Variants in APBA1 observed in about 807,000 individuals in gnomAD.
The protein encoded by APBA1 is amyloid beta precursor protein binding family A member 1, also known as amyloid-beta A4 precursor protein-binding family A member 1.
In APBA1, 55 loss-of-function variants were observed where a neutral mutation model predicts 86.6. The ratio of observed to expected loss-of-function variants is 0.64; its 90% confidence interval spans 0.51 to 0.80. The LOEUF is 0.80. Among genes scored for constraint, APBA1 ranks in the 30% least tolerant of loss-of-function variants. The probability of loss-of-function intolerance (pLI) is 0.00; values close to 1 mark genes in which losing one functional copy is unlikely to be tolerated. For synonymous variants in APBA1, 511 were observed against 493.9 expected (o/e 1.03, Z -0.46); for missense variants, 1,090 against 1,183.0 (o/e 0.92, Z 1.15).
chr9:69,565,636 G>C (rs911173536), intron 1 of APBA1, among the ~76,000 whole-genome samples: 1 of 152,080 alleles, frequency 6.6e-6, no homozygotes, highest in Non-Finnish European at 1.5e-5. Context: ...TTCAAAAGCA[G>C]TGCCATGGCA....
intron 2 of APBA1, among the ~76,000 whole-genome samples, chr9:69,501,652 AC>A (rs1835881892): frequency 1.3e-5 from 2 of 150,652 alleles, no homozygotes; most frequent in Admixed American, 6.6e-5. Flanking sequence ...ACACACACAC[AC>A]ACACACACAC....
Position 69,516,471 on chromosome 9 carries a change from T to C in APBA1, c.740A>G (p.Asp247Gly). 6.2e-7 allele frequency: 1 copy of C among 1,601,750 alleles called. No homozygotes were observed. The highest frequency in any genetic ancestry group is 8.5e-7 in the Non-Finnish European group (1 of 1,178,518). ...GAACTCGGCCTCCTTCTCGGGGCTG[T>C]CGGACTCGCCGTCGGAGCGCTCGTC... is the stretch of plus-strand genomic sequence containing the variant. ...HYDERSDGES[D>G]SPEKEAEFAP... Residue 247 changes from aspartate (D) to glycine (G), a missense_variant, in exon 2 of 13, where the codon GAC becomes GGC. By Grantham distance (94) the Asp-to-Gly change is moderately conservative. Transcript: ENST00000265381. This position sits in a 1 kb window ranked among gnomAD's most constrained non-coding sequence, Gnocchi z 7.3.
At chr9:69,526,987 A>T (rs1836353235) in intron 1 of APBA1, among the ~76,000 whole-genome samples, 1 of 152,152 alleles carries the variant, frequency 6.6e-6, no homozygotes, top group Non-Finnish European at 1.5e-5. Context: ...ACAGAAAACC[A>T]AACACTACAT....
rs377145021 is a variant in APBA1, at chr9:69,599,587, A to G, written c.-70+72566T>C. 5.3e-5 allele frequency among the ~76,000 whole-genome samples: 8 copies of G among 152,224 alleles called. No individual in the cohort carries two copies. The East Asian group carries it at 9.6e-4, about 18-fold the overall frequency. ...AAAATTAGTAATTCATCAACCTAGT[A>G]TCTACTGAAGTAGGGATTATAGAAC... On this transcript the variant is annotated intron_variant, in intron 1 of 12. Transcript: ENST00000265381.
At chr9:69,538,332 T>C (rs1293961677) in intron 1 of APBA1, among the ~76,000 whole-genome samples, 4 of 152,238 alleles carry the variant, frequency 2.6e-5, no homozygotes, top group Non-Finnish European at 5.9e-5. Flanking sequence ...TTGACATCTT[T>C]AAACATCTTG....
chr9:69,464,856 G>C (rs189338398), intron 5 of APBA1: 2 of 152,162 alleles, frequency 1.3e-5, no homozygotes, highest in African/African-American at 4.8e-5. Flanking sequence ...AGGCATAAAT[G>C]TTCTGTCTGT....
intron 1 of APBA1, among the ~76,000 whole-genome samples, chr9:69,598,480 C>T (rs979509278): frequency 6.6e-6 from 1 of 151,612 alleles, no homozygotes; most frequent in Non-Finnish European, 1.5e-5. Flanking sequence ...CTACTTGACA[C>T]AGCACACCTC....
At position 69,617,708 on chromosome 9, in the gene APBA1, T is replaced by G. The variant is rs1400231696; in HGVS notation, c.-70+54445A>C. 2.0e-5 allele frequency among the ~76,000 whole-genome samples: 3 copies of G among 152,150 alleles called. No homozygotes were observed. The East Asian group carries it at 5.8e-4, about 29-fold the overall frequency. On this transcript the variant is annotated intron_variant, in intron 1 of 12. Coordinates refer to ENST00000265381, the MANE Select transcript of APBA1 (RefSeq NM_001163.4). Reference sequence around the variant, plus strand: ...CATTCCTACTGTTCAGCCAGACAACTGTCAACACCAAATTTTTGAGATTTA... The same window carrying G: ...CATTCCTACTGTTCAGCCAGACAACGGTCAACACCAAATTTTTGAGATTTA...
chr9:69,652,922 G>A (rs1048893075), intron 1 of APBA1, among the ~76,000 whole-genome samples: 4 of 151,970 alleles, frequency 2.6e-5, no homozygotes, highest in African/African-American at 7.3e-5. Flanking sequence ...GCTAGAACCC[G>A]GGAGATGAAG....
chr9:69,672,276 C>CGCCGCAGCT lies in APBA1; in HGVS notation c.-202_-194dup, dbSNP rs1823967070. ...TGCCTCCAGCGCCACCATCTTCTCC[C>CGCCGCAGCT]GCCGCAGCTGCCGCCGCCGCCGCCG... On this transcript the variant is annotated 5_prime_UTR_variant, in exon 1 of 13. Transcript: ENST00000265381. The CGCCGCAGCT allele has an allele frequency of 5.7e-6, 1 of 175,906 alleles. No individual in the cohort carries two copies. The highest frequency in any genetic ancestry group is 1.4e-4 in the South Asian group (1 of 7,230). 10.9% of individuals were successfully genotyped at this position (175,906 alleles called of 1,614,324 possible).
intron 2 of APBA1, among the ~76,000 whole-genome samples, chr9:69,512,917 A>G (rs1836075094): frequency 6.6e-6 from 1 of 152,188 alleles, no homozygotes; most frequent in East Asian, 1.9e-4. Context: ...ATGGAGAACT[A>G]GTGTTCAGTA....
At chr9:69,569,587 G>A (rs539386652) in intron 1 of APBA1, among the ~76,000 whole-genome samples, 8 of 152,092 alleles carry the variant, frequency 5.3e-5, no homozygotes, top group East Asian at 1.9e-4. Context: ...CAATGGTGCC[G>A]AGACTGAGAA....
intron 11 of APBA1, among the ~76,000 whole-genome samples, chr9:69,435,553 G>A (rs1409435473): frequency 6.6e-6 from 1 of 152,176 alleles, no homozygotes; most frequent in Admixed American, 6.5e-5. Context: ...CAGTGATGAT[G>A]AGCATTTTTT....
At chr9:69,609,042 T>A (rs966422575) in intron 1 of APBA1, among the ~76,000 whole-genome samples, 2 of 152,232 alleles carry the variant, frequency 1.3e-5, no homozygotes, top group African/African-American at 4.8e-5. Context: ...TGTGACAGAC[T>A]GGGCTAGGCA....
chr9:69,668,970 T>C (rs528920382), intron 1 of APBA1, among the ~76,000 whole-genome samples: 1 of 152,198 alleles, frequency 6.6e-6, no homozygotes, highest in Non-Finnish European at 1.5e-5. Context: ...TTTTCAGCAC[T>C]TAATCATTTT....
At chr9:69,564,303 T>C (rs1182479237) in intron 1 of APBA1, among the ~76,000 whole-genome samples, 2 of 152,236 alleles carry the variant, frequency 1.3e-5, no homozygotes, top group African/African-American at 2.4e-5. Context: ...AAGAGCTTTA[T>C]GAATATTAAT....
In APBA1 at chr9:69,517,272, C is replaced by T. The variant is rs1259362867; in HGVS notation, c.-62G>A. 2.1e-6 allele frequency: 3 copies of T among 1,411,044 alleles called. No homozygotes were observed. Among genetic ancestry groups the T allele is most frequent in the African/African-American group, 3.0e-5 (2 of 66,548 alleles). The allele number at this position is 1,411,044 out of a possible 1,614,324, so 87.4% of individuals were successfully genotyped here. On this transcript the variant is annotated 5_prime_UTR_variant, in exon 2 of 13. Transcript: ENST00000265381. Reference sequence around the variant, plus strand: ...CGGCTCACTGCGCTCTCATTTTGCTCCACTGGGCTGGAAAAACAAGAAGGG... The same window carrying T: ...CGGCTCACTGCGCTCTCATTTTGCTTCACTGGGCTGGAAAAACAAGAAGGG...
intron 2 of APBA1, among the ~76,000 whole-genome samples, chr9:69,504,121 A>C (rs1835917851): frequency 6.6e-6 from 1 of 151,832 alleles, no homozygotes; most frequent in Non-Finnish European, 1.5e-5. Context: ...GTGTTTCCTG[A>C]TCATTCTTGT....
intron 1 of APBA1, among the ~76,000 whole-genome samples, chr9:69,560,284 T>A (rs1057161700): frequency 6.6e-6 from 1 of 152,200 alleles, no homozygotes; most frequent in Non-Finnish European, 1.5e-5. Flanking sequence ...TTTTAACCAA[T>A]TTTTCTATTT....
Sources: allele counts gnomAD v4.1 joint callset (sites outside exome capture counted in the v4.1 genomes callset), GRCh38; gene constraint gnomAD v4.1.1; non-coding constraint Gnocchi (gnomAD v3.1); transcripts MANE v1.5; gene names NCBI Gene and HGNC (gene_info 2026-07-23, HGNC 2026-07-21).